The following RAB43 variants were observed in gnomAD, a reference collection of about 807,000 sequenced individuals.
RAB43 encodes the protein ras-related protein Rab-43.
A neutral mutation model predicts 18.8 loss-of-function variants in RAB43; 6 were observed. The observed-to-expected ratio is 0.32, with a 90% CI of 0.17 to 0.63. The LOEUF (loss-of-function observed/expected upper bound fraction) is 0.63, where lower values mean the gene tolerates loss of function less well. Among genes scored for constraint, RAB43 ranks in the 30% least tolerant of loss-of-function variants. The pLI is 0.79. For missense variants in RAB43, 195 were observed against 289.1 expected, an observed-to-expected ratio of 0.67 and a Z score of 2.36; for synonymous variants, 103 against 124.1, an observed-to-expected ratio of 0.83 and a Z score of 1.13.
chr3:129,092,918 T>C (rs1022103164), intron 2 of RAB43, among the ~76,000 whole-genome samples: 7 of 150,838 alleles, frequency 4.6e-5, no homozygotes, highest in Non-Finnish European at 1.5e-5. Context: ...ATCGCGCCAC[T>C]GCACTCCAGT....
At chr3:129,117,598 C>T (rs916122025) in intron 1 of RAB43, among the ~76,000 whole-genome samples, 5 of 152,194 alleles carry the variant, frequency 3.3e-5, no homozygotes, top group African/African-American at 4.8e-5. Context: ...AATAATAAAC[C>T]AAACACCCTA....
intron 1 of RAB43, among the ~76,000 whole-genome samples, chr3:129,106,178 C>T (rs1934771037): frequency 6.6e-6 from 1 of 152,200 alleles, no homozygotes; most frequent in African/African-American, 2.4e-5. Context: ...AGCATCTGTC[C>T]CTCCCAATGG....
chr3:129,115,696 C>T (rs1447401112), intron 1 of RAB43, among the ~76,000 whole-genome samples: 2 of 151,962 alleles, frequency 1.3e-5, no homozygotes, highest in Non-Finnish European at 2.9e-5. Context: ...TAGTGGGCAC[C>T]TGTAATCCCA....
chr3:129,112,355 C>T (rs1278394678), intron 1 of RAB43, among the ~76,000 whole-genome samples: 2 of 151,536 alleles, frequency 1.3e-5, no homozygotes, highest in Non-Finnish European at 2.9e-5. Context: ...TAAAAATATC[C>T]AATTTTTATA....
In RAB43 at chr3:129,121,346, T is replaced by A. The variant is rs1308694053; in HGVS notation, c.144A>T (p.Gly48=). 6.2e-7 allele frequency: 1 copy of A among 1,610,288 alleles called. No homozygotes were observed. The highest frequency in any genetic ancestry group is 8.5e-7 in the Non-Finnish European group (1 of 1,178,622). ...FKTGAFSERQ[G]STIGVDFTMK... is the part of the protein sequence containing the mutation. Reference sequence around the variant, plus strand: ...TGGTGAAGTCGACGCCGATGGTGCTTCCCTGGCGCTCCGAGAAGGCGCCGG... The same window carrying A: ...TGGTGAAGTCGACGCCGATGGTGCTACCCTGGCGCTCCGAGAAGGCGCCGG... Residue 48 remains glycine, a synonymous_variant, in exon 1 of 3, where the codon GGA becomes GGT. Coordinates refer to ENST00000315150, the MANE Select transcript of RAB43 (RefSeq NM_198490.3).
chr3:129,092,912 C>T (rs1481367560), intron 2 of RAB43, among the ~76,000 whole-genome samples: 2 of 151,244 alleles, frequency 1.3e-5, no homozygotes, highest in Non-Finnish European at 2.9e-5. Context: ...GCCGAGATCG[C>T]GCCACTGCAC....
chr3:129,119,092 G>A (rs1188220424), intron 1 of RAB43, among the ~76,000 whole-genome samples: 1 of 152,210 alleles, frequency 6.6e-6, no homozygotes, highest in African/African-American at 2.4e-5. Context: ...TCATAGACCT[G>A]TAACACCTCA....
intron 1 of RAB43, among the ~76,000 whole-genome samples, chr3:129,117,615 T>C (rs1382598776): frequency 2.0e-5 from 3 of 152,236 alleles, no homozygotes; most frequent in Non-Finnish European, 4.4e-5. Flanking sequence ...CCTAAAACTC[T>C]TTAACTGTCA....
chr3:129,102,356 C>T (rs146902479), intron 1 of RAB43, among the ~76,000 whole-genome samples: 1 of 152,232 alleles, frequency 6.6e-6, no homozygotes, highest in Non-Finnish European at 1.5e-5. Context: ...CACAGCCAGG[C>T]ATGGTGGCTC....
Position 129,107,810 on chromosome 3 carries a change from T to G in RAB43, c.205-12641A>C, listed in dbSNP as rs1934881546. 6.6e-6 allele frequency among the ~76,000 whole-genome samples: 1 copy of G among 151,912 alleles called. No individual in the cohort carries two copies. Among genetic ancestry groups the G allele is most frequent in the African/African-American group, 2.4e-5 (1 of 41,330 alleles). On this transcript the variant is annotated intron_variant, in intron 1 of 2. Coordinates refer to ENST00000315150, the MANE Select transcript of RAB43 (RefSeq NM_198490.3). This position sits in a 1 kb window ranked among gnomAD's most constrained non-coding sequence, Gnocchi z 4.2. ...ACAACCCCAACCCTCAAACCATCCC[T>G]CCAGTTCCCTGCTACTTTGGTCATC...
chr3:129,121,380 C>A lies in RAB43; in HGVS notation c.110G>T (p.Arg37Leu). 4 of 1,612,290 alleles carry A rather than the reference C, an allele frequency of 2.5e-6. No individual in the cohort carries two copies. Among genetic ancestry groups the A allele is most frequent in the Non-Finnish European group, 3.4e-6 (4 of 1,179,264 alleles). ...ASVGKTCVVQRFKTGAFSERQ... is the reference protein window; with the variant it reads ...ASVGKTCVVQLFKTGAFSERQ... ...CTCCGAGAAGGCGCCGGTCTTGAAGCGCTGCACCACGCACGTCTTGCCCAC... is the reference window on the plus strand; with the variant it reads ...CTCCGAGAAGGCGCCGGTCTTGAAGAGCTGCACCACGCACGTCTTGCCCAC... Residue 37 changes from arginine (R) to leucine (L), a missense_variant, in exon 1 of 3, where the codon CGC (arginine) becomes CTC (leucine). Coordinates refer to ENST00000315150, the MANE Select transcript of RAB43 (RefSeq NM_198490.3).
intron 2 of RAB43, among the ~76,000 whole-genome samples, chr3:129,093,894 A>C (rs1933842291): frequency 6.6e-6 from 1 of 151,714 alleles, no homozygotes; most frequent in South Asian, 2.1e-4. Flanking sequence ...AACCAAGATC[A>C]CGCCACGGCA....
intron 1 of RAB43, among the ~76,000 whole-genome samples, chr3:129,120,132 G>A (rs1000121834): frequency 1.3e-5 from 2 of 152,086 alleles, no homozygotes; most frequent in Non-Finnish European, 2.9e-5. Context: ...CTGCTTCCCC[G>A]TCACATCTAC....
At chr3:129,115,827 AC>A (rs1935488429) in intron 1 of RAB43, among the ~76,000 whole-genome samples, 1 of 152,190 alleles carries the variant, frequency 6.6e-6, no homozygotes, top group African/African-American at 2.4e-5. Flanking sequence ...TCTCAAAAAA[AC>A]AAATAAAAAT....
intron 1 of RAB43, among the ~76,000 whole-genome samples, chr3:129,102,081 C>T (rs1008191427): frequency 2.7e-4 from 41 of 152,168 alleles, no homozygotes; most frequent in Non-Finnish European, 1.6e-4. Flanking sequence ...CTGTGACCAA[C>T]GGGGAACAGG....
chr3:129,091,433 C>A (rs1230770743), intron 2 of RAB43, 87 bp from the exon 3 acceptor site: 1 of 1,450,266 alleles, frequency 6.9e-7, no homozygotes, highest in Non-Finnish European at 9.3e-7. Flanking sequence ...CAGCCCCATG[C>A]CACTCCCTTC....
At chr3:129,093,080 T>A (rs1933788655) in intron 2 of RAB43, among the ~76,000 whole-genome samples, 1 of 151,904 alleles carries the variant, frequency 6.6e-6, no homozygotes. Context: ...AATCTCCGCC[T>A]CCCAGGTTCA....
chr3:129,117,776 T>C (rs761508178), intron 1 of RAB43, among the ~76,000 whole-genome samples: 2 of 152,176 alleles, frequency 1.3e-5, no homozygotes, highest in Non-Finnish European at 2.9e-5. Context: ...CAAGTAAAAA[T>C]GAAGACTGGG....
chr3:129,115,071 G>C (rs542051313), intron 1 of RAB43, among the ~76,000 whole-genome samples: 1 of 152,212 alleles, frequency 6.6e-6, no homozygotes, highest in Admixed American at 6.5e-5. Context: ...CTTAAGGGTA[G>C]GGGTTTTGCA....
Sources: allele counts gnomAD v4.1 joint callset (sites outside exome capture counted in the v4.1 genomes callset), GRCh38; gene constraint gnomAD v4.1.1; non-coding constraint Gnocchi (gnomAD v3.1); transcripts MANE v1.5; gene names NCBI Gene and HGNC (gene_info 2026-07-23, HGNC 2026-07-21).